SPHKAP: variants seen among roughly 807,000 people sequenced by gnomAD.
SPHKAP encodes the protein A-kinase anchor protein SPHKAP.
In SPHKAP, 67 loss-of-function variants were observed where a neutral mutation model predicts 137.5. That is an observed-to-expected ratio of 0.49 (90% confidence interval 0.40 to 0.60). The LOEUF is 0.60. SPHKAP is among the 20% of genes least tolerant of loss of function. The pLI is 0.00. For synonymous variants in SPHKAP, 813 were observed against 785.3 expected (o/e 1.04, Z -0.59); for missense variants, 2,097 against 2,069.3 (o/e 1.01, Z -0.26).
intron 2 of SPHKAP, among the ~76,000 whole-genome samples, chr2:228,119,228 G>T (rs1409696079): frequency 6.6e-6 from 1 of 152,076 alleles, no homozygotes; most frequent in East Asian, 1.9e-4. Context: ...CAGAATGAGT[G>T]GTGGAGGAAG....
At position 228,017,379 on chromosome 2, in the gene SPHKAP, T is replaced by C. The variant is rs1694648742; in HGVS notation, c.3475A>G (p.Ile1159Val). The change falls in exon 7 of 12, where the codon ATT (isoleucine) becomes GTT (valine). Residue 1159 changes from isoleucine (I) to valine (V), a missense_variant. Transcript: ENST00000392056. ...DYYAGKNASS[I>V]LNSAMQQACR... ...GCCTGTTGCATGGCTGAGTTCAGAA[T>C]GCTGCTGGCGTTCTTGCCAGCATAG... 8.7e-6 allele frequency: 14 copies of C among 1,614,032 alleles called. No homozygotes were observed. The East Asian group carries it at 3.1e-4, about 36-fold the overall frequency.
chr2:228,022,303 C>T (rs768206701), intron 5 of SPHKAP: 2 of 523,686 alleles, frequency 3.8e-6, no homozygotes, highest in Non-Finnish European at 4.9e-6. Context: ...GAAGAGAGGC[C>T]AGAATTAAGT....
At chr2:228,176,875 C>T (rs1254034590) in intron 1 of SPHKAP, among the ~76,000 whole-genome samples, 1 of 151,800 alleles carries the variant, frequency 6.6e-6, no homozygotes, top group East Asian at 1.9e-4. Flanking sequence ...AACTCCGTCT[C>T]AAAAACAAAA....
At chr2:228,115,464 G>A (rs1698679427) in intron 2 of SPHKAP, among the ~76,000 whole-genome samples, 2 of 152,014 alleles carry the variant, frequency 1.3e-5, no homozygotes, top group Non-Finnish European at 2.9e-5. Flanking sequence ...GGTGCTATCT[G>A]GAACATCTCT....
intron 3 of SPHKAP, among the ~76,000 whole-genome samples, chr2:228,056,711 C>T (rs1046547511): frequency 6.6e-6 from 1 of 152,054 alleles, no homozygotes; most frequent in African/African-American, 2.4e-5. Context: ...AGAGTATTGG[C>T]AAATGTGCTT....
intron 3 of SPHKAP, among the ~76,000 whole-genome samples, chr2:228,098,022 T>C (rs1009396219): frequency 1.3e-5 from 2 of 152,330 alleles, no homozygotes; most frequent in South Asian, 4.1e-4. Context: ...CTGGATTAAA[T>C]AGCAGTTCTG....
chr2:228,040,312 C>CT (rs1465320174), intron 3 of SPHKAP, among the ~76,000 whole-genome samples: 1 of 152,142 alleles, frequency 6.6e-6, no homozygotes, highest in Non-Finnish European at 1.5e-5. Flanking sequence ...TGCCTCCTTT[C>CT]TTTTTCTAAC....
rs146695847 is a variant in SPHKAP, at chr2:227,994,753, G to A, written c.4634+756C>T. Among the ~76,000 whole-genome samples the A allele has an allele frequency of 4.1e-3, 618 of 152,144 alleles. 5 individuals carry two copies. The highest frequency in any genetic ancestry group is 0.014 in the African/African-American group (574 of 41,496). Reference sequence around the variant, plus strand: ...TTGTTTCTATCTTGTAATACTTTCCGCTAGTTTTAGAAGTTTTGACAAACT... The same window carrying A: ...TTGTTTCTATCTTGTAATACTTTCCACTAGTTTTAGAAGTTTTGACAAACT... On this transcript the variant is annotated intron_variant, in intron 8 of 11. Transcript: ENST00000392056.
At chr2:228,109,507 G>T in intron 2 of SPHKAP, 2 of 312,478 alleles carry the variant, frequency 6.4e-6, no homozygotes, top group Non-Finnish European at 9.3e-6. Context: ...GAAATAGCAC[G>T]GTATGGCAAA....
intron 2 of SPHKAP, among the ~76,000 whole-genome samples, chr2:228,117,221 A>T (rs1489588857): frequency 2.0e-5 from 3 of 152,138 alleles, no homozygotes; most frequent in African/African-American, 4.8e-5. Context: ...TCTTATCAAC[A>T]TATCTTGAAT....
In SPHKAP at chr2:228,061,416, G is replaced by A. The variant is rs1696628456; in HGVS notation, c.247-33873C>T. 3.3e-5 allele frequency among the ~76,000 whole-genome samples: 5 copies of A among 151,906 alleles called. No individual in the cohort carries two copies. In the South Asian group the frequency reaches 1.0e-3, roughly 32 times the overall value. On this transcript the variant is annotated intron_variant, in intron 3 of 11. Transcript: ENST00000392056. ...GTAGCTGGAACTACTAACTACTGGTGTGCCACCATGCCCAGCTAATTTTGT... is the reference window on the plus strand; with the variant it reads ...GTAGCTGGAACTACTAACTACTGGTATGCCACCATGCCCAGCTAATTTTGT...
chr2:228,074,051 T>C (rs1329258800), intron 3 of SPHKAP, among the ~76,000 whole-genome samples: 1 of 152,158 alleles, frequency 6.6e-6, no homozygotes, highest in Admixed American at 6.5e-5. Flanking sequence ...AGTCACCATA[T>C]AGGTGGATAA....
chr2:228,030,421 G>A (rs1480037449), intron 3 of SPHKAP, among the ~76,000 whole-genome samples: 1 of 135,264 alleles, frequency 7.4e-6, no homozygotes, highest in Non-Finnish European at 1.5e-5. Context: ...GGCTGAGGCA[G>A]GAGAATCGCT....
intron 1 of SPHKAP, among the ~76,000 whole-genome samples, chr2:228,152,973 G>A (rs1197457069): frequency 2.0e-5 from 3 of 152,074 alleles, no homozygotes; most frequent in African/African-American, 7.2e-5. Flanking sequence ...CCCTATAACT[G>A]TTCTCGTGGT....
intron 1 of SPHKAP, among the ~76,000 whole-genome samples, chr2:228,170,494 A>T (rs762243979): frequency 1.2e-4 from 19 of 152,118 alleles, no homozygotes; most frequent in Non-Finnish European, 2.1e-4. Context: ...TTATTTAAAG[A>T]AGTTTGCACA....
At chr2:228,135,765 G>A (rs978330457) in intron 1 of SPHKAP, among the ~76,000 whole-genome samples, 5 of 152,028 alleles carry the variant, frequency 3.3e-5, no homozygotes, top group Non-Finnish European at 4.4e-5. Context: ...AGTATTAAAC[G>A]AGGAAGTTGA....
At chr2:228,022,940 G>A (rs1574762178) in intron 5 of SPHKAP, among the ~76,000 whole-genome samples, 1 of 152,262 alleles carries the variant, frequency 6.6e-6, no homozygotes, top group East Asian at 1.9e-4. Flanking sequence ...TGAAGAAGCA[G>A]TCAACATGAA....
At chr2:228,137,270 G>A (rs1170568850) in intron 1 of SPHKAP, among the ~76,000 whole-genome samples, 2 of 152,218 alleles carry the variant, frequency 1.3e-5, no homozygotes, top group African/African-American at 4.8e-5. Context: ...GCGCCAGTCA[G>A]TGGGAGATGC....
intron 3 of SPHKAP, among the ~76,000 whole-genome samples, chr2:228,078,165 C>A (rs1697245645): frequency 6.6e-6 from 1 of 152,154 alleles, no homozygotes; most frequent in African/African-American, 2.4e-5. Flanking sequence ...TCTGTATCAG[C>A]AGCATGAAAA....
Sources: gnomAD v4.1 joint callset for allele counts (sites outside exome capture counted in the v4.1 genomes callset) on GRCh38, gnomAD v4.1.1 for gene constraint, MANE v1.5 for transcripts, NCBI Gene and HGNC (gene_info 2026-07-23, HGNC 2026-07-21) for gene names.